Variants in CCDC181 observed in about 807,000 individuals in gnomAD.
CCDC181 encodes the protein coiled-coil domain-containing protein 181.
Under a neutral mutation model 58.7 loss-of-function variants are expected in CCDC181, and 35 were observed. The ratio of observed to expected loss-of-function variants is 0.60; its 90% CI spans 0.46 to 0.79. The LOEUF is 0.79. Ranked by LOEUF, CCDC181 falls within the 30% of genes least tolerant of loss-of-function variation. The pLI, the probability that CCDC181 is intolerant of heterozygous loss-of-function variation, is 0.00. For synonymous variants in CCDC181, 183 were observed against 197.5 expected, an observed-to-expected ratio of 0.93 and a Z score of 0.62; for missense variants, 517 against 583.9, an observed-to-expected ratio of 0.89 and a Z score of 1.18.
chr1:169,402,865 T>C (rs527797867), intron 4 of CCDC181, among the ~76,000 whole-genome samples: 8 of 152,124 alleles, frequency 5.3e-5, no homozygotes, highest in African/African-American at 1.7e-4. Flanking sequence ...GACTGGCACA[T>C]TGGATAAAGA....
At chr1:169,453,468 A>G (rs965057562) in intron 2 of CCDC181, among the ~76,000 whole-genome samples, 3 of 152,090 alleles carry the variant, frequency 2.0e-5, no homozygotes, top group African/African-American at 7.2e-5. Flanking sequence ...ATACAAATAT[A>G]TGGTCATTCA....
At chr1:169,451,745 A>AT (rs898328647) in intron 2 of CCDC181, among the ~76,000 whole-genome samples, 1 of 152,064 alleles carries the variant, frequency 6.6e-6, no homozygotes, top group Non-Finnish European at 1.5e-5. Flanking sequence ...GAAAAAAAAA[A>AT]GATGACATGA....
At position 169,419,143 on chromosome 1, in the gene CCDC181, A is replaced by G; in HGVS notation, c.1085T>C (p.Ile362Thr). 1 of 1,598,422 alleles carries G rather than the reference A, an allele frequency of 6.3e-7. No homozygotes were observed. Among genetic ancestry groups the G allele is most frequent in the Non-Finnish European group, 8.5e-7 (1 of 1,174,798 alleles). ...TCTCTTTTTTTCTTTCTCTTCTTCTATTTTTCGTCGCTCTTCCTAGTAAAA... is the reference window on the plus strand; with the variant it reads ...TCTCTTTTTTTCTTTCTCTTCTTCTGTTTTTCGTCGCTCTTCCTAGTAAAA... ...KLKREEERRK[I>T]EEEKEKKREN... The change falls in exon 4 of 6, where the codon ATA becomes ACA. Residue 362 changes from isoleucine to threonine, a missense_variant. By Grantham distance (89) the Ile-to-Thr change is moderately conservative. Transcript: ENST00000367806.
At chr1:169,445,870 C>A (rs1328337841) in intron 2 of CCDC181, among the ~76,000 whole-genome samples, 1 of 152,066 alleles carries the variant, frequency 6.6e-6, no homozygotes, top group African/African-American at 2.4e-5. Context: ...TCTAAGTTAT[C>A]AAATCTGTGT....
chr1:169,438,023 C>T (rs573952308), intron 2 of CCDC181, among the ~76,000 whole-genome samples: 80 of 152,176 alleles, frequency 5.3e-4, no homozygotes, highest in Admixed American at 7.9e-4. Flanking sequence ...ATTGGTTTCA[C>T]GGACCTGCAG....
chr1:169,419,734 A>C (rs1475206697), intron 3 of CCDC181, among the ~76,000 whole-genome samples: 1 of 152,216 alleles, frequency 6.6e-6, no homozygotes, highest in African/African-American at 2.4e-5. Flanking sequence ...CCTTGCATGA[A>C]TACAGTATGA....
chr1:169,408,746 G>A (rs113344251), intron 4 of CCDC181, among the ~76,000 whole-genome samples: 2 of 152,186 alleles, frequency 1.3e-5, no homozygotes, highest in African/African-American at 4.8e-5. Context: ...AAGCAAACAA[G>A]GTCTGGAGAG....
At chr1:169,396,822 T>G (rs1278231367) in intron 5 of CCDC181, among the ~76,000 whole-genome samples, 1 of 152,178 alleles carries the variant, frequency 6.6e-6, no homozygotes, top group Non-Finnish European at 1.5e-5. Context: ...CTGCCTTTCT[T>G]TTACTGGTAA....
intron 2 of CCDC181, among the ~76,000 whole-genome samples, chr1:169,457,776 T>C (rs751820680): frequency 7.2e-5 from 11 of 152,302 alleles, no homozygotes; most frequent in Non-Finnish European, 1.5e-4. Flanking sequence ...AGAACATAAA[T>C]ATGTAATTAT....
chr1:169,418,526 T>G (rs1656313347), intron 4 of CCDC181, among the ~76,000 whole-genome samples: 2 of 151,828 alleles, frequency 1.3e-5, no homozygotes, highest in Non-Finnish European at 2.9e-5. Flanking sequence ...ATTATTATAC[T>G]TTCAACTTTA....
intron 4 of CCDC181, among the ~76,000 whole-genome samples, chr1:169,417,572 G>T (rs1656271008): frequency 6.6e-6 from 1 of 151,908 alleles, no homozygotes; most frequent in African/African-American, 2.4e-5. Flanking sequence ...TTTTATAAAG[G>T]CTTCATCACA....
chr1:169,421,830 G>A lies in CCDC181; in HGVS notation c.601C>T (p.Leu201Phe), dbSNP rs1396908097. Residue 201 changes from leucine to phenylalanine, a missense_variant, in exon 3 of 6, where the codon CTC becomes TTC. Physicochemically the swap from Leu to Phe is conservative, Grantham distance 22. Transcript: ENST00000367806. ...ISNDFGQEDV[L>F]LSLTNGSCEE... ...CAGCTTCCATTAGTAAGTGACAGGA[G>A]CACATCTTCTTGTCCAAAATCATTG... 1 of 1,613,864 alleles carries A rather than the reference G, an allele frequency of 6.2e-7. No homozygotes were observed. Among genetic ancestry groups the A allele is most frequent in the South Asian group, 1.1e-5 (1 of 91,072 alleles).
At chr1:169,403,494 G>T (rs1655472521) in intron 4 of CCDC181, among the ~76,000 whole-genome samples, 1 of 152,182 alleles carries the variant, frequency 6.6e-6, no homozygotes, top group African/African-American at 2.4e-5. Context: ...CTAGAACGCA[G>T]GCTTAAGAAA....
At chr1:169,417,738 A>G (rs1260461327) in intron 4 of CCDC181, among the ~76,000 whole-genome samples, 8 of 152,078 alleles carry the variant, frequency 5.3e-5, no homozygotes, top group Admixed American at 2.0e-4. Context: ...ATTAGAACAA[A>G]GAGAGTCCTA....
chr1:169,439,679 T>C (rs999682811), intron 2 of CCDC181, among the ~76,000 whole-genome samples: 1 of 152,096 alleles, frequency 6.6e-6, no homozygotes, highest in Non-Finnish European at 1.5e-5. Context: ...TGACAGCCTT[T>C]TACACCCTGC....
intron 3 of CCDC181, among the ~76,000 whole-genome samples, chr1:169,420,350 T>C (rs1197060406): frequency 6.6e-6 from 1 of 152,124 alleles, no homozygotes; most frequent in South Asian, 2.1e-4. Flanking sequence ...TTTAGGTTCT[T>C]ATCTGAGTGT....
intron 2 of CCDC181, among the ~76,000 whole-genome samples, chr1:169,439,713 C>T (rs560435062): frequency 6.6e-6 from 1 of 152,162 alleles, no homozygotes; most frequent in Admixed American, 6.5e-5. Flanking sequence ...GGGTCCTTGT[C>T]CCATATCCAG....
At chr1:169,408,401 G>A (rs533744439) in intron 4 of CCDC181, among the ~76,000 whole-genome samples, 1 of 152,214 alleles carries the variant, frequency 6.6e-6, no homozygotes, top group Admixed American at 6.5e-5. Flanking sequence ...CCCAGTCAGG[G>A]GCTTATAGAT....
chr1:169,413,608 T>A (rs1656076949), intron 4 of CCDC181, among the ~76,000 whole-genome samples: 1 of 152,148 alleles, frequency 6.6e-6, no homozygotes, highest in African/African-American at 2.4e-5. Context: ...AACAAATACT[T>A]GAAACCAACC....
Sources: allele counts gnomAD v4.1 joint callset (sites outside exome capture counted in the v4.1 genomes callset), GRCh38; gene constraint gnomAD v4.1.1; transcripts MANE v1.5; gene names NCBI Gene and HGNC (gene_info 2026-07-23, HGNC 2026-07-21).